Variants in AQR observed in about 807,000 individuals in gnomAD.
AQR encodes aquarius intron-binding spliceosomal factor, also known as RNA helicase aquarius.
A neutral mutation model predicts 180.5 loss-of-function variants in AQR; 61 were observed. The observed-to-expected ratio is 0.34, with a 90% CI of 0.28 to 0.42. The LOEUF is 0.42. Among genes scored for constraint, AQR ranks in the 10% least tolerant of loss-of-function variants. The pLI is 1.00. For missense variants in AQR, 1,281 were observed against 1,798.3 expected, an observed-to-expected ratio of 0.71 and a Z score of 5.20; for synonymous variants, 551 against 588.8, an observed-to-expected ratio of 0.94 and a Z score of 0.93.
intron 15 of AQR, among the ~76,000 whole-genome samples, chr15:34,915,735 C>G (rs1385216918): frequency 4.6e-5 from 7 of 151,786 alleles, no homozygotes. Flanking sequence ...CACCTGAGGT[C>G]AGGAGTTTGA....
chr15:34,936,256 G>A (rs1893942496), intron 9 of AQR, among the ~76,000 whole-genome samples: 1 of 152,030 alleles, frequency 6.6e-6, no homozygotes, highest in Non-Finnish European at 1.5e-5. Flanking sequence ...ATTTTAAAAA[G>A]GAAACTACAA....
intron 2 of AQR, among the ~76,000 whole-genome samples, chr15:34,963,568 T>C (rs2060812): frequency 0.61 from 93,084 of 151,892 alleles, 30,767 homozygotes; most frequent in South Asian, 0.75. Context: ...TTTACAAAGA[T>C]ATTTATTACA....
At position 34,930,324 on chromosome 15, in the gene AQR, T is replaced by G; in HGVS notation, c.948A>C (p.Gln316His). ...CATTCTCTGTCAGAGCATTTCCAGT[T>G]TGGTCATTAATTTCAAAACCAGTAT... ...KFYTGFEIND[Q>H]TGNALTENEM... The change falls in exon 12 of 35, where the codon CAA becomes CAC. Residue 316 changes from glutamine (Q) to histidine (H), a missense_variant. Physicochemically the swap from Gln to His is conservative, Grantham distance 24 (BLOSUM62 0). Around this residue, in one of 9 missense-constraint regions of AQR, gnomAD observed 404 missense variants for 490.9 expected, o/e 0.82. Transcript: ENST00000156471. 1 of 1,611,646 alleles carries G rather than the reference T, an allele frequency of 6.2e-7. No homozygotes were observed. The highest frequency in any genetic ancestry group is 1.3e-5 in the African/African-American group (1 of 74,984).
chr15:34,891,620 C>T (rs1893150595), intron 23 of AQR, among the ~76,000 whole-genome samples: 1 of 152,094 alleles, frequency 6.6e-6, no homozygotes, highest in Admixed American at 6.5e-5. Flanking sequence ...TAGAGGATAA[C>T]TGTAGAAAGC....
chr15:34,861,857 T>C (rs1341136443), intron 33 of AQR, among the ~76,000 whole-genome samples: 2 of 152,080 alleles, frequency 1.3e-5, no homozygotes, highest in Admixed American at 6.5e-5. Flanking sequence ...ACACACAAGA[T>C]TTAAGTTTTT....
intron 16 of AQR, 74 bp from the exon 17 acceptor site, chr15:34,910,387 G>T: frequency 1.3e-6 from 2 of 1,498,896 alleles, no homozygotes; most frequent in Non-Finnish European, 1.8e-6. Flanking sequence ...GTTAAAACTA[G>T]TAAGTAGGAA....
intron 3 of AQR, among the ~76,000 whole-genome samples, chr15:34,957,316 C>A (rs1041206589): frequency 6.6e-6 from 1 of 151,988 alleles, no homozygotes; most frequent in Non-Finnish European, 1.5e-5. Flanking sequence ...GCCACCACAC[C>A]CAGCTGATTT....
intron 15 of AQR, among the ~76,000 whole-genome samples, chr15:34,917,944 C>T (rs2140484970): frequency 6.6e-6 from 1 of 152,168 alleles, no homozygotes; most frequent in Admixed American, 6.5e-5. Flanking sequence ...GACTGCACCA[C>T]TGCGCTCCAG....
chr15:34,932,500 G>T, intron 10 of AQR, 66 bp from the exon 11 acceptor site: 1 of 1,168,108 alleles, frequency 8.6e-7, no homozygotes, highest in Non-Finnish European at 1.2e-6. Flanking sequence ...GTGAAATCTA[G>T]TGATATTTAA....
chr15:34,931,569 A>G (rs914199883), intron 11 of AQR, among the ~76,000 whole-genome samples: 1 of 152,176 alleles, frequency 6.6e-6, no homozygotes, highest in Non-Finnish European at 1.5e-5. Context: ...GCATTTTGGG[A>G]GGCCGAGGTG....
chr15:34,940,414 C>T (rs1379003772), intron 8 of AQR, among the ~76,000 whole-genome samples: 2 of 152,132 alleles, frequency 1.3e-5, no homozygotes, highest in Admixed American at 6.5e-5. Context: ...CCTGTAATCC[C>T]CTCTACTCAG....
intron 7 of AQR, 83 bp from the exon 8 acceptor site, chr15:34,941,082 C>A: frequency 1.1e-6 from 1 of 919,224 alleles, no homozygotes; most frequent in South Asian, 1.6e-5. Flanking sequence ...TGCTAGTTTT[C>A]TAATATATGA....
intron 4 of AQR, among the ~76,000 whole-genome samples, chr15:34,950,030 A>G (rs906645698): frequency 3.3e-4 from 49 of 147,070 alleles, no homozygotes; most frequent in Non-Finnish European, 4.0e-4. Flanking sequence ...TCTAGCCTCC[A>G]CATACCTTAT....
chr15:34,969,277 A>AT (rs761742980), intron 1 of AQR, among the ~76,000 whole-genome samples: 11 of 152,048 alleles, frequency 7.2e-5, no homozygotes, highest in Non-Finnish European at 1.5e-4. Flanking sequence ...AGCAAAACTC[A>AT]TACAGTAGTT....
In AQR at chr15:34,854,307, A is replaced by C. The variant is rs912397271; in HGVS notation, c.*2485T>G. 1 of 152,208 alleles carries C rather than the reference A, an allele frequency of 6.6e-6. No homozygotes were observed. Among genetic ancestry groups the C allele is most frequent in the African/African-American group, 2.4e-5 (1 of 41,460 alleles). 9.4% of individuals were successfully genotyped at this position (152,208 alleles called of 1,614,324 possible). A position where few individuals can be genotyped will look rare whatever the true frequency, so the allele number is the denominator to read the frequency against. ...GATATGAAAAATAGGATGGAGAGCA[A>C]TGGGAACACTAATCTGAAATAGTCA... On this transcript the variant is annotated 3_prime_UTR_variant, in exon 35 of 35. Transcript: ENST00000156471.
chr15:34,887,415 T>A (rs1261184422), intron 24 of AQR, among the ~76,000 whole-genome samples: 1 of 152,202 alleles, frequency 6.6e-6, no homozygotes, highest in East Asian at 1.9e-4. Flanking sequence ...ATCTAAAGGC[T>A]TTGAAAAGTA....
intron 11 of AQR, 85 bp from the exon 12 acceptor site, chr15:34,930,456 T>C: frequency 1.3e-6 from 1 of 746,650 alleles, no homozygotes; most frequent in Non-Finnish European, 2.2e-6. Flanking sequence ...AACAGGTTCA[T>C]ACAGTTTCTC....
intron 11 of AQR, among the ~76,000 whole-genome samples, chr15:34,931,246 A>G (rs1893854863): frequency 6.6e-6 from 1 of 152,066 alleles, no homozygotes; most frequent in South Asian, 2.1e-4. Flanking sequence ...CGAGGCTCTG[A>G]TGTCTCCCCT....
chr15:34,915,193 A>T lies in AQR; in HGVS notation c.1343-14T>A. The T allele has an allele frequency of 6.4e-7, 1 of 1,573,710 alleles. No individual in the cohort carries two copies. The highest frequency in any genetic ancestry group is 8.6e-7 in the Non-Finnish European group (1 of 1,167,762). The stretch of plus-strand genomic sequence containing the variant: ...GAGCAAGACAACCTGAAAAGGAAAA[A>T]AACATCCATATTTCAATTTTTTTTT... On this transcript the variant is annotated splice_polypyrimidine_tract_variant and intron_variant, in intron 15 of 34. Transcript: ENST00000156471.
Sources: gnomAD v4.1 joint callset for allele counts (sites outside exome capture counted in the v4.1 genomes callset) on GRCh38, gnomAD v4.1.1 for gene constraint, gnomAD v4.1.1 regional missense constraint, MANE v1.5 for transcripts, NCBI Gene and HGNC (gene_info 2026-07-23, HGNC 2026-07-21) for gene names.